Variants in ST6GALNAC4 observed in about 807,000 individuals in gnomAD.
The protein encoded by ST6GALNAC4 is alpha-N-acetyl-neuraminyl-2,3-beta-galactosyl-1,3-N-acetyl-galactosaminide alpha-2,6-sialyltransferase.
Under a neutral mutation model 30.4 loss-of-function variants are expected in ST6GALNAC4, and 24 were observed. The ratio of observed to expected loss-of-function variants is 0.79; its 90% CI spans 0.57 to 1.11. ST6GALNAC4 has a LOEUF of 1.11. ST6GALNAC4 is among the 50% of genes most tolerant of loss of function. ST6GALNAC4 has a pLI of 0.00. For missense variants in ST6GALNAC4, 365 were observed against 430.1 expected, an observed-to-expected ratio of 0.85 and a Z score of 1.34; for synonymous variants, 156 against 179.7, an observed-to-expected ratio of 0.87 and a Z score of 1.05.
intron 4 of ST6GALNAC4, among the ~76,000 whole-genome samples, chr9:127,911,117 C>T (rs58007367): frequency 1.3e-5 from 2 of 152,148 alleles, no homozygotes; most frequent in African/African-American, 4.8e-5. Flanking sequence ...CCCCAGACGG[C>T]CAGTATGGGT....
chr9:127,908,764 C>T (rs939450044), intron 5 of ST6GALNAC4, among the ~76,000 whole-genome samples, 183 bp from the exon 6 acceptor site: 2 of 151,832 alleles, frequency 1.3e-5, no homozygotes, highest in Admixed American at 1.3e-4. Flanking sequence ...CGAGTCCTGG[C>T]TCTGCCTCTT....
chr9:127,914,769 C>T lies in ST6GALNAC4; in HGVS notation c.85G>A (p.Gly29Ser), dbSNP rs767286822. 5.9e-5 allele frequency: 95 copies of T among 1,604,866 alleles called. No homozygotes were observed. Among genetic ancestry groups the T allele is most frequent in the Non-Finnish European group, 7.5e-5 (88 of 1,175,788 alleles). Residue 29 changes from glycine to serine, a missense_variant, in exon 3 of 6, where the codon GGC becomes AGC. Transcript: ENST00000335791. Reference protein sequence around the residue: ...AVYILLCCWAGLPLCLATCLD... With the variant: ...AVYILLCCWASLPLCLATCLD... ...CAGGTGGCCAGGCAGAGGGGCAGGC[C>T]GGCCCAGCAGCACAGGAGGATGTAG...
At chr9:127,911,809 C>A (rs1270480712) in intron 4 of ST6GALNAC4, among the ~76,000 whole-genome samples, 2 of 152,046 alleles carry the variant, frequency 1.3e-5, no homozygotes, top group Non-Finnish European at 2.9e-5. Context: ...TTTGGTAGAG[C>A]CCAAGGTTTC....
At chr9:127,914,557 A>G (rs1196635531) in intron 3 of ST6GALNAC4, 99 bp downstream of exon 3, 4 of 788,794 alleles carry the variant, frequency 5.1e-6, no homozygotes, top group Non-Finnish European at 7.1e-6. Context: ...ATTGGCCAGG[A>G]TCACATGGCT....
chr9:127,914,541 G>A (rs1010978806), intron 3 of ST6GALNAC4, 115 bp downstream of exon 3: 12 of 398,210 alleles, frequency 3.0e-5, no homozygotes, highest in African/African-American at 6.7e-5. Context: ...TCAGAGAGGT[G>A]ATGTGATTGG....
chr9:127,910,078 A>G lies in ST6GALNAC4; in HGVS notation c.612-20T>C, dbSNP rs1564501796. On this transcript the variant is annotated intron_variant, in intron 4 of 5. Transcript: ENST00000335791. ...TGCCTCCTGGGGGTGGCGGGGGGAC[A>G]GGGGGACGCTGTCAACAAGAGGCCA... 2.5e-6 allele frequency: 4 copies of G among 1,607,822 alleles called. No homozygotes were observed. In the South Asian group the frequency reaches 3.3e-5, roughly 13 times the overall value.
Position 127,912,494 on chromosome 9 carries a change from C to G in ST6GALNAC4, c.385G>C (p.Val129Leu), listed in dbSNP as rs149135473. The G allele has an allele frequency of 6.8e-6, 11 of 1,613,896 alleles. No homozygotes were observed. Among genetic ancestry groups the G allele is most frequent in the Non-Finnish European group, 9.3e-6 (11 of 1,179,872 alleles). ...GAATAGTTGCGCAGCAGCAGCGGCA[C>G]GCTTGTGTGTGAGACGACACGCAGG... The part of the protein sequence containing the change: ...STLRVVSHTS[V>L]PLLLRNYSHY... The change falls in exon 4 of 6, where the codon GTG becomes CTG. Residue 129 changes from valine (V) to leucine (L), a missense_variant. Val to Leu is a conservative substitution (Grantham distance 32, BLOSUM62 1). Transcript: ENST00000335791.
chr9:127,915,387 T>G (rs537554377), intron 2 of ST6GALNAC4, among the ~76,000 whole-genome samples: 1 of 152,336 alleles, frequency 6.6e-6, no homozygotes, highest in South Asian at 2.1e-4. Flanking sequence ...GGCTGCCTAG[T>G]GTGGCCCCGC....
At chr9:127,916,329 C>T (rs1205498201) in intron 2 of ST6GALNAC4, 79 bp downstream of exon 2, 1 of 1,596,512 alleles carries the variant, frequency 6.3e-7, no homozygotes, top group African/African-American at 1.3e-5. Context: ...GCAGTGGGTC[C>T]TGGGGTGGAG....
Position 127,914,314 on chromosome 9 carries a change from A to G in ST6GALNAC4, c.198+342T>C, listed in dbSNP as rs561674438. ...GAGGGTGAGGCAGGAGAATCGCTTG[A>G]ACCTGGGAGGCAGAGGTTGCGTGAG... On this transcript the variant is annotated intron_variant, in intron 3 of 5. Coordinates refer to ENST00000335791, the MANE Select transcript of ST6GALNAC4 (RefSeq NM_175039.4). Among the ~76,000 whole-genome samples the G allele has an allele frequency of 1.4e-4, 21 of 150,516 alleles. No homozygotes were observed. In the South Asian group the frequency reaches 4.4e-3, roughly 32 times the overall value.
intron 3 of ST6GALNAC4, 152 bp from the exon 4 acceptor site, chr9:127,912,832 A>G: frequency 1.1e-6 from 1 of 932,892 alleles, no homozygotes; most frequent in Non-Finnish European, 1.6e-6. Context: ...GGCAGCAGGG[A>G]TGACTTTCCC....
In ST6GALNAC4 at chr9:127,915,755, G is replaced by A. The variant is rs574518660; in HGVS notation, c.12+653C>T. 3.3e-3 allele frequency among the ~76,000 whole-genome samples: 507 copies of A among 152,244 alleles called. 4 individuals carry two copies. Among genetic ancestry groups the A allele is most frequent in the South Asian group, 8.3e-3 (40 of 4,822 alleles). On this transcript the variant is annotated intron_variant, in intron 2 of 5. Coordinates refer to ENST00000335791, the MANE Select transcript of ST6GALNAC4 (RefSeq NM_175039.4). ...CTGGTCACCACGTGTGTCTCTCTGGGCTCCAGGTTTCTAGACTCGAGGCAC... is the reference window on the plus strand; with the variant it reads ...CTGGTCACCACGTGTGTCTCTCTGGACTCCAGGTTTCTAGACTCGAGGCAC...
chr9:127,911,823 A>T (rs1831079986), intron 4 of ST6GALNAC4, among the ~76,000 whole-genome samples: 1 of 152,014 alleles, frequency 6.6e-6, no homozygotes, highest in Non-Finnish European at 1.5e-5. Context: ...AGGTTTCACC[A>T]TGTCAGCCAG....
At chr9:127,912,227 C>T in intron 4 of ST6GALNAC4, 41 bp downstream of exon 4, 1 of 1,569,198 alleles carries the variant, frequency 6.4e-7, no homozygotes, top group Non-Finnish European at 8.7e-7. Context: ...AGGAAGGCCC[C>T]AGCTGCCAGA....
chr9:127,909,344 G>C (rs1319516468), intron 5 of ST6GALNAC4, among the ~76,000 whole-genome samples: 4 of 149,986 alleles, frequency 2.7e-5, no homozygotes, highest in Admixed American at 6.6e-5. Flanking sequence ...AGCCAAGATC[G>C]CGCCACTGCA....
chr9:127,914,957 T>G, intron 2 of ST6GALNAC4, 116 bp from the exon 3 acceptor site: 1 of 946,872 alleles, frequency 1.1e-6, no homozygotes, highest in Non-Finnish European at 1.5e-6. Context: ...GAGCAGCTCC[T>G]AGAACAGCAG....
chr9:127,910,804 G>A (rs1588674639), intron 4 of ST6GALNAC4, among the ~76,000 whole-genome samples: 2 of 152,202 alleles, frequency 1.3e-5, no homozygotes, highest in Non-Finnish European at 2.9e-5. Context: ...AACATTCCAC[G>A]GAAGCACCAG....
intron 2 of ST6GALNAC4, among the ~76,000 whole-genome samples, chr9:127,915,196 AT>A (rs1831170038): frequency 6.6e-6 from 1 of 152,184 alleles, no homozygotes; most frequent in Non-Finnish European, 1.5e-5. Flanking sequence ...TGTGCGACCT[AT>A]GGCTCTCCAT....
In ST6GALNAC4 at chr9:127,912,574, C is replaced by T. The variant is rs775758978; in HGVS notation, c.305G>A (p.Arg102His). The T allele has an allele frequency of 1.9e-6, 3 of 1,612,202 alleles. No homozygotes were observed. Among genetic ancestry groups the T allele is most frequent in the Non-Finnish European group, 2.5e-6 (3 of 1,179,862 alleles). Residue 102 changes from arginine to histidine, a missense_variant, in exon 4 of 6, where the codon CGC becomes CAC. Coordinates refer to ENST00000335791, the MANE Select transcript of ST6GALNAC4 (RefSeq NM_175039.4). The part of the protein sequence containing the change: ...AEIDSAECVF[R>H]MNQAPTVGFE... ...GCCCACGGTGGGCGCCTGGTTCATG[C>T]GGAACACGCACTCGGCACTGTCGAT... is the stretch of plus-strand genomic sequence containing the variant.
Sources: allele counts gnomAD v4.1 joint callset (sites outside exome capture counted in the v4.1 genomes callset), GRCh38; gene constraint gnomAD v4.1.1; transcripts MANE v1.5; gene names NCBI Gene and HGNC (gene_info 2026-07-23, HGNC 2026-07-21).